The following KCND3 variants were observed in gnomAD, a reference collection of about 807,000 sequenced individuals.
The protein encoded by KCND3 is potassium voltage-gated channel subfamily D member 3.
A neutral mutation model predicts 51.1 loss-of-function variants in KCND3; 9 were observed. That is an observed-to-expected ratio of 0.18 (90% CI 0.11 to 0.31). The LOEUF (loss-of-function observed/expected upper bound fraction) is 0.31, where lower values mean the gene tolerates loss of function less well. KCND3 is among the 10% of genes least tolerant of loss of function. The pLI is 1.00. For missense variants in KCND3, 526 were observed against 903.8 expected (o/e 0.58, Z 5.36); for synonymous variants, 349 against 368.0 (o/e 0.95, Z 0.59).
At chr1:111,803,449 G>A (rs545979604) in intron 2 of KCND3, among the ~76,000 whole-genome samples, 1 of 152,304 alleles carries the variant, frequency 6.6e-6, no homozygotes, top group East Asian at 1.9e-4. Context: ...GGGGTGATTA[G>A]AGGTGGTCCT....
intron 2 of KCND3, among the ~76,000 whole-genome samples, chr1:111,974,949 C>T (rs1674544584): frequency 1.3e-5 from 2 of 152,184 alleles, no homozygotes. Context: ...GTGTGAAGCA[C>T]CCAAAAGGCT....
intron 2 of KCND3, among the ~76,000 whole-genome samples, chr1:111,934,548 G>A (rs906571085): frequency 2.0e-5 from 3 of 152,158 alleles, no homozygotes; most frequent in African/African-American, 4.8e-5. Context: ...CCAGACCAGC[G>A]CCCCGCCAGA....
At chr1:111,934,622 G>A (rs1008687986) in intron 2 of KCND3, among the ~76,000 whole-genome samples, 8 of 152,234 alleles carry the variant, frequency 5.3e-5, no homozygotes, top group Admixed American at 4.6e-4. Context: ...CTGCCACCAA[G>A]TAGGCATGTG....
chr1:111,976,821 T>C (rs1674656581), intron 2 of KCND3, among the ~76,000 whole-genome samples: 2 of 152,222 alleles, frequency 1.3e-5, no homozygotes, highest in South Asian at 4.1e-4. Context: ...GGAAGACAAC[T>C]GGGTCTCATT....
intron 2 of KCND3, among the ~76,000 whole-genome samples, chr1:111,914,499 C>T (rs1671104708): frequency 6.6e-6 from 1 of 152,054 alleles, no homozygotes; most frequent in South Asian, 2.1e-4. Context: ...AACCAAATTG[C>T]TGAAAACAAG....
chr1:111,962,090 T>G (rs2101933837), intron 2 of KCND3, among the ~76,000 whole-genome samples: 1 of 152,336 alleles, frequency 6.6e-6, no homozygotes, highest in South Asian at 2.1e-4. Flanking sequence ...CAGTGATGGC[T>G]AAGACTGGGC....
At chr1:111,857,265 G>A (rs771791224) in intron 2 of KCND3, among the ~76,000 whole-genome samples, 7 of 152,196 alleles carry the variant, frequency 4.6e-5, no homozygotes, top group Admixed American at 2.0e-4. Flanking sequence ...CACAGTCCCT[G>A]AGAGAAGGTG....
chr1:111,832,678 TC>T (rs1666890092), intron 2 of KCND3, among the ~76,000 whole-genome samples: 1 of 152,068 alleles, frequency 6.6e-6, no homozygotes, highest in African/African-American at 2.4e-5. Context: ...TTTCTGTGTG[TC>T]CCCGCTCCCC....
At chr1:111,964,342 C>A (rs553289885) in intron 2 of KCND3, among the ~76,000 whole-genome samples, 36 of 152,342 alleles carry the variant, frequency 2.4e-4, no homozygotes, top group African/African-American at 8.7e-4. Context: ...TGCTAAAGTA[C>A]AGCCTCCCAA....
At chr1:111,958,044 T>C (rs1220779074) in intron 2 of KCND3, among the ~76,000 whole-genome samples, 2 of 152,134 alleles carry the variant, frequency 1.3e-5, no homozygotes, top group African/African-American at 2.4e-5. Flanking sequence ...GTAGCAGGAA[T>C]CACTAGTACT....
intron 2 of KCND3, among the ~76,000 whole-genome samples, chr1:111,818,891 C>G (rs1666224955): frequency 6.6e-6 from 1 of 152,186 alleles, no homozygotes; most frequent in African/African-American, 2.4e-5. Context: ...ACACTTTTGT[C>G]CCGCAAAGAA....
chr1:111,961,430 G>A (rs1259568975), intron 2 of KCND3, among the ~76,000 whole-genome samples: 2 of 152,168 alleles, frequency 1.3e-5, no homozygotes, highest in Admixed American at 6.5e-5. Context: ...TGATGGGGAC[G>A]GTCCATTCTT....
intron 2 of KCND3, among the ~76,000 whole-genome samples, chr1:111,802,750 C>T (rs1465340909): frequency 2.0e-5 from 3 of 152,184 alleles, no homozygotes; most frequent in African/African-American, 7.2e-5. Flanking sequence ...GGCCTCTAAC[C>T]TCATGTTGGG....
intron 2 of KCND3, among the ~76,000 whole-genome samples, chr1:111,818,750 C>T (rs551120179): frequency 5.6e-4 from 85 of 152,270 alleles, no homozygotes; most frequent in African/African-American, 1.9e-3. Context: ...TCAGAAGGGC[C>T]GCCCGGGCCT....
At chr1:111,902,971 A>T (rs574928229) in intron 2 of KCND3, among the ~76,000 whole-genome samples, 1 of 152,246 alleles carries the variant, frequency 6.6e-6, no homozygotes, top group South Asian at 2.1e-4. Flanking sequence ...AGACATGTGG[A>T]TATACAGTCA....
chr1:111,974,366 C>T (rs1674513437), intron 2 of KCND3, among the ~76,000 whole-genome samples: 2 of 133,290 alleles, frequency 1.5e-5, no homozygotes, highest in South Asian at 4.7e-4. Context: ...TCCCTGTTTC[C>T]CAGATTAAAA....
Position 111,982,122 on chromosome 1 carries a change from A to G in KCND3, c.605T>C (p.Val202Ala). The change falls in exon 2 of 8, where the codon GTG becomes GCG. Residue 202 changes from valine to alanine, a missense_variant. Physicochemically the swap from Val to Ala is moderately conservative, Grantham distance 64. Transcript: ENST00000302127. The surrounding 1 kb of genome is among the most constrained non-coding windows in gnomAD (Gnocchi z 8.5). ...GACCGTGCCGCACGGCACCGTCTCC[A>G]CCACGTTGGTGATGACCGAGACAGC... ...FIAVSVITNV[V>A]ETVPCGTVPG... 6.2e-7 allele frequency: 1 copy of G among 1,613,874 alleles called. No homozygotes were observed. The highest frequency in any genetic ancestry group is 8.5e-7 in the Non-Finnish European group (1 of 1,179,968).
chr1:111,841,824 C>A (rs1235195195), intron 2 of KCND3, among the ~76,000 whole-genome samples: 1 of 152,196 alleles, frequency 6.6e-6, no homozygotes, highest in Non-Finnish European at 1.5e-5. Context: ...TTTAATGTCT[C>A]ATTTCAGTGT....
At chr1:111,895,356 C>T (rs1670056804) in intron 2 of KCND3, among the ~76,000 whole-genome samples, 1 of 151,994 alleles carries the variant, frequency 6.6e-6, no homozygotes, top group South Asian at 2.1e-4. Flanking sequence ...TTTTACATGG[C>T]CTTGGCCTCA....
Sources: gnomAD v4.1 joint callset for allele counts (sites outside exome capture counted in the v4.1 genomes callset) on GRCh38, gnomAD v4.1.1 for gene constraint, Gnocchi (gnomAD v3.1) non-coding constraint, MANE v1.5 for transcripts, NCBI Gene and HGNC (gene_info 2026-07-23, HGNC 2026-07-21) for gene names.